Variants in CDH4 observed in about 807,000 individuals in gnomAD.
CDH4 encodes the protein cadherin-4.
CDH4 carries 33 observed loss-of-function variants against 86.0 expected under a neutral mutation model. The ratio of observed to expected loss-of-function variants is 0.38; its 90% CI spans 0.29 to 0.51. The LOEUF (loss-of-function observed/expected upper bound fraction) is 0.51, where lower values mean the gene tolerates loss of function less well. Ranked by LOEUF, CDH4 falls within the 20% of genes least tolerant of loss-of-function variation. The probability of loss-of-function intolerance (pLI) is 0.86; values close to 1 mark genes in which losing one functional copy is unlikely to be tolerated. For synonymous variants in CDH4, 555 were observed against 549.4 expected, an observed-to-expected ratio of 1.01 and a Z score of -0.14; for missense variants, 1,114 against 1,307.4, an observed-to-expected ratio of 0.85 and a Z score of 2.28.
intron 2 of CDH4, among the ~76,000 whole-genome samples, chr20:61,284,718 C>G (rs1298619725): frequency 6.6e-6 from 1 of 152,204 alleles, no homozygotes; most frequent in East Asian, 1.9e-4. Flanking sequence ...AAAACCCATC[C>G]AAACTGGCTG....
rs777327873 is a variant in CDH4 at position 61,928,359 on chromosome 20, C to T, written c.1941C>T (p.Tyr647=). The T allele has an allele frequency of 3.8e-5, 61 of 1,611,608 alleles. No homozygotes were observed. Among genetic ancestry groups the T allele is most frequent in the African/African-American group, 6.7e-5 (5 of 74,950 alleles). The change falls in exon 12 of 16, where the codon TAC becomes TAT. Residue 647 remains tyrosine, a synonymous_variant. Coordinates refer to ENST00000614565, the MANE Select transcript of CDH4 (RefSeq NM_001794.5). ...ACGTCGACCCCAACATCGGCCCCTACGTCTTCGAGCTGCCCTTTGTCCCGG... is the reference window on the plus strand; with the variant it reads ...ACGTCGACCCCAACATCGGCCCCTATGTCTTCGAGCTGCCCTTTGTCCCGG... ...DADVDPNIGP[Y]VFELPFVPAA...
rs1041227491 is a variant in CDH4 at position 61,681,780 on chromosome 20, C to T, written c.170-61783C>T. On this transcript the variant is annotated intron_variant, in intron 2 of 15. Coordinates refer to ENST00000614565, the MANE Select transcript of CDH4 (RefSeq NM_001794.5). The surrounding 1 kb of genome is among the most constrained non-coding windows in gnomAD (Gnocchi z 4.5). ...GTGTTGCTGTGTTCTCAGGCCCGTGCAGCTGACATTCCTTTGGCTTCCTGG... is the reference window on the plus strand; with the variant it reads ...GTGTTGCTGTGTTCTCAGGCCCGTGTAGCTGACATTCCTTTGGCTTCCTGG... 2.0e-5 allele frequency among the ~76,000 whole-genome samples: 3 copies of T among 152,198 alleles called. No homozygotes were observed. Among genetic ancestry groups the T allele is most frequent in the African/African-American group, 7.2e-5 (3 of 41,458 alleles).
intron 4 of CDH4, among the ~76,000 whole-genome samples, chr20:61,818,478 C>T (rs981049594): frequency 1.3e-5 from 2 of 152,034 alleles, no homozygotes; most frequent in African/African-American, 2.4e-5. Flanking sequence ...AATTCCAGAC[C>T]AGCCTGGGTA....
intron 2 of CDH4, among the ~76,000 whole-genome samples, chr20:61,654,104 G>A (rs2087160316): frequency 6.6e-6 from 1 of 152,138 alleles, no homozygotes; most frequent in Non-Finnish European, 1.5e-5. Flanking sequence ...AGCGAGCTGA[G>A]ATCACGCCAC....
chr20:61,660,525 T>G (rs563990990), intron 2 of CDH4, among the ~76,000 whole-genome samples: 2 of 152,316 alleles, frequency 1.3e-5, no homozygotes, highest in Non-Finnish European at 2.9e-5. Context: ...ACATCAGCCG[T>G]GGCAAGTCTG....
intron 2 of CDH4, among the ~76,000 whole-genome samples, chr20:61,671,319 C>T (rs2087384579): frequency 6.6e-6 from 1 of 152,108 alleles, no homozygotes. Context: ...TAGAAAGATC[C>T]TGTCTCTACA....
chr20:61,778,026 C>T (rs1978345384), intron 4 of CDH4, among the ~76,000 whole-genome samples: 1 of 152,268 alleles, frequency 6.6e-6, no homozygotes, highest in Non-Finnish European at 1.5e-5. Flanking sequence ...CACATGTGCA[C>T]ATACCACTCT....
At chr20:61,907,655 G>A (rs2054805345) in intron 8 of CDH4, among the ~76,000 whole-genome samples, 2 of 152,152 alleles carry the variant, frequency 1.3e-5, no homozygotes, top group South Asian at 4.1e-4. Flanking sequence ...ATGAAGGGAA[G>A]ACAGAGTGAG....
chr20:61,422,045 C>G (rs1456414693), intron 2 of CDH4, among the ~76,000 whole-genome samples: 1 of 152,128 alleles, frequency 6.6e-6, no homozygotes, highest in East Asian at 1.9e-4. Flanking sequence ...ATGATCCGAT[C>G]ACATCTGGAA....
At chr20:61,457,920 AT>A (rs2085418047) in intron 2 of CDH4, among the ~76,000 whole-genome samples, 1 of 145,356 alleles carries the variant, frequency 6.9e-6, no homozygotes, top group East Asian at 2.1e-4. Flanking sequence ...CATGACGGTG[AT>A]GGCAGTGCTG....
Position 61,313,212 on chromosome 20 carries a change from G to A in CDH4, c.169+58275G>A, listed in dbSNP as rs781184123. 1.1e-3 allele frequency among the ~76,000 whole-genome samples: 160 copies of A among 152,298 alleles called. 2 individuals carry two copies. The highest frequency in any genetic ancestry group is 6.8e-3 in the Middle Eastern group (2 of 294). On this transcript the variant is annotated intron_variant, in intron 2 of 15. Coordinates refer to ENST00000614565, the MANE Select transcript of CDH4 (RefSeq NM_001794.5). ...CGTGCACTACGTGGGGCCTGGCTTA[G>A]CCCGAGTGTCTGATGAGGGATTTGC...
rs1327580163 is a variant in CDH4 at position 61,449,562 on chromosome 20, A to T, written c.169+194625A>T. On this transcript the variant is annotated intron_variant, in intron 2 of 15. Coordinates refer to ENST00000614565, the MANE Select transcript of CDH4 (RefSeq NM_001794.5). Reference sequence around the variant, plus strand: ...CAGTCTCCTAATAGTGTATGAAGAGAAGGAGGAAAAGAAAGAATTCCAACT... The same window carrying T: ...CAGTCTCCTAATAGTGTATGAAGAGTAGGAGGAAAAGAAAGAATTCCAACT... 3.3e-5 allele frequency among the ~76,000 whole-genome samples: 5 copies of T among 152,172 alleles called. No homozygotes were observed. In the East Asian group the frequency reaches 9.6e-4, roughly 29 times the overall value.
At chr20:61,859,742 G>A (rs1057327105) in intron 6 of CDH4, among the ~76,000 whole-genome samples, 1 of 152,244 alleles carries the variant, frequency 6.6e-6, no homozygotes, top group African/African-American at 2.4e-5. Context: ...TTATTGGTCT[G>A]TGTGTCTCCT....
chr20:61,839,525 TG>T (rs1182608362), intron 4 of CDH4, among the ~76,000 whole-genome samples: 4 of 115,518 alleles, frequency 3.5e-5, no homozygotes, highest in Non-Finnish European at 9.1e-5. Flanking sequence ...TGTGTGTATG[TG>T]TGTTTGTGTA....
intron 9 of CDH4, among the ~76,000 whole-genome samples, chr20:61,915,598 G>A (rs931692519): frequency 2.0e-5 from 3 of 152,224 alleles, no homozygotes; most frequent in South Asian, 2.1e-4. Context: ...CATGTGACAC[G>A]CGATGGGTCT....
chr20:61,716,448 G>C (rs972915761), intron 2 of CDH4, among the ~76,000 whole-genome samples: 2 of 152,230 alleles, frequency 1.3e-5, no homozygotes, highest in Non-Finnish European at 2.9e-5. Flanking sequence ...GGGGCTTTGG[G>C]GGCAGGACCC....
rs146225784 is a variant in CDH4 at position 61,887,886 on chromosome 20, C to T, written c.1051-7024C>T. ...AGCTGAGAGCAGCCTGGGGACCCTA[C>T]GCTGCAGGATGGGTGGCCGAGGGGG... On this transcript the variant is annotated intron_variant, in intron 7 of 15. Coordinates refer to ENST00000614565, the MANE Select transcript of CDH4 (RefSeq NM_001794.5). Among the ~76,000 whole-genome samples, 156 of 152,312 alleles carry T rather than the reference C, an allele frequency of 1.0e-3. 1 individual carries two copies. The East Asian group carries it at 0.027, about 27-fold the overall frequency.
At chr20:61,436,935 T>C (rs6089626) in intron 2 of CDH4, 1,897 of 152,606 alleles carry the variant, frequency 0.012, 18 homozygotes, top group Non-Finnish European at 0.019. Context: ...AAAGGCCTCT[T>C]GTCTGCTCTG....
At chr20:61,889,770 T>C (rs6089290) in intron 7 of CDH4, among the ~76,000 whole-genome samples, 8 of 148,076 alleles carry the variant, frequency 5.4e-5, no homozygotes, top group African/African-American at 2.0e-4. Context: ...GGATGGATTA[T>C]GCATGATGGA....
Sources: allele counts gnomAD v4.1 joint callset (sites outside exome capture counted in the v4.1 genomes callset), GRCh38; gene constraint gnomAD v4.1.1; non-coding constraint Gnocchi (gnomAD v3.1); transcripts MANE v1.5; gene names NCBI Gene and HGNC (gene_info 2026-07-23, HGNC 2026-07-21).